CDH8: variants seen among roughly 807,000 people sequenced by gnomAD.
The protein encoded by CDH8 is cadherin-8.
Under a neutral mutation model 68.1 loss-of-function variants are expected in CDH8, and 17 were observed. That is an observed-to-expected ratio of 0.25 (90% confidence interval 0.17 to 0.37). The LOEUF is 0.37. Among genes scored for constraint, CDH8 ranks in the 10% least tolerant of loss-of-function variants. The pLI is 1.00. For missense variants in CDH8, 763 were observed against 999.3 expected (o/e 0.76, Z 3.19); for synonymous variants, 372 against 365.1 (o/e 1.02, Z -0.21).
chr16:61,881,280 C>T (rs1356502400), intron 3 of CDH8, among the ~76,000 whole-genome samples: 3 of 152,134 alleles, frequency 2.0e-5, no homozygotes, highest in Admixed American at 1.3e-4. Flanking sequence ...GATTGCTGTA[C>T]AGTTACCTCA....
chr16:61,969,601 C>T (rs1191349769), intron 2 of CDH8, among the ~76,000 whole-genome samples: 3 of 152,140 alleles, frequency 2.0e-5, no homozygotes, highest in Non-Finnish European at 4.4e-5. Context: ...TATTATTTGC[C>T]AATGCATTTC....
chr16:61,794,601 T>G (rs1169128788), intron 7 of CDH8, among the ~76,000 whole-genome samples: 1 of 152,058 alleles, frequency 6.6e-6, no homozygotes, highest in South Asian at 2.1e-4. Flanking sequence ...CACTGTTTAC[T>G]TCTCTGTCCT....
intron 4 of CDH8, among the ~76,000 whole-genome samples, chr16:61,836,965 A>C (rs1020565174): frequency 6.6e-6 from 1 of 151,938 alleles, no homozygotes; most frequent in Non-Finnish European, 1.5e-5. Flanking sequence ...TAATCTTCTC[A>C]CCACTCCTTT....
intron 8 of CDH8, among the ~76,000 whole-genome samples, chr16:61,732,092 G>T (rs1959553253): frequency 6.6e-6 from 1 of 151,312 alleles, no homozygotes; most frequent in East Asian, 1.9e-4. Flanking sequence ...AAAAAATAAA[G>T]AAAAATGAGC....
intron 4 of CDH8, among the ~76,000 whole-genome samples, chr16:61,840,596 AG>A (rs1962663749): frequency 6.6e-6 from 1 of 152,176 alleles, no homozygotes; most frequent in Non-Finnish European, 1.5e-5. Context: ...TATGGCTAAA[AG>A]GAACAAGATG....
intron 8 of CDH8, among the ~76,000 whole-genome samples, chr16:61,782,147 C>T (rs372671054): frequency 2.0e-5 from 3 of 152,002 alleles, no homozygotes; most frequent in Admixed American, 1.3e-4. Context: ...ACGCAGAAGA[C>T]GGGTGATTTC....
At chr16:61,968,090 G>C (rs1021929197) in intron 2 of CDH8, among the ~76,000 whole-genome samples, 1 of 152,164 alleles carries the variant, frequency 6.6e-6, no homozygotes, top group Non-Finnish European at 1.5e-5. Flanking sequence ...GATTACATAA[G>C]CAACCGGGCT....
chr16:61,669,196 A>G (rs1963741684), intron 10 of CDH8, among the ~76,000 whole-genome samples: 1 of 152,082 alleles, frequency 6.6e-6, no homozygotes, highest in African/African-American at 2.4e-5. Context: ...GCAAGCCACC[A>G]AATGTAGTAC....
chr16:61,846,135 A>G (rs942133077), intron 4 of CDH8, among the ~76,000 whole-genome samples: 33 of 152,142 alleles, frequency 2.2e-4, no homozygotes, highest in Non-Finnish European at 7.4e-5. Flanking sequence ...TTCCTGAATC[A>G]TCCATATCCA....
chr16:61,655,702 C>T lies in CDH8; in HGVS notation c.1674G>A (p.Leu558=). Residue 558 remains leucine (L), a synonymous_variant, in exon 11 of 12, where the codon TTG becomes TTA. Transcript: ENST00000577390. Reference sequence around the variant, plus strand: ...GGCGGTTGAATCCATTATGCTTTGCCAAAATACTGAGGGAATTATCTGAAA... The same window carrying T: ...GGCGGTTGAATCCATTATGCTTTGCTAAAATACTGAGGGAATTATCTGAAA... ...KKNEDNSLSI[L]AKHNGFNRQK... 5 of 1,613,474 alleles carry T rather than the reference C, an allele frequency of 3.1e-6. No homozygotes were observed. The African/African-American group carries it at 4.0e-5, about 13-fold the overall frequency.
intron 2 of CDH8, among the ~76,000 whole-genome samples, chr16:61,965,560 C>T (rs1404511813): frequency 6.6e-6 from 1 of 152,158 alleles, no homozygotes; most frequent in Non-Finnish European, 1.5e-5. Flanking sequence ...AGAAAACTAT[C>T]AGTAAAATTT....
chr16:61,855,715 C>G (rs1449460376), intron 4 of CDH8, among the ~76,000 whole-genome samples: 1 of 152,100 alleles, frequency 6.6e-6, no homozygotes, highest in African/African-American at 2.4e-5. Flanking sequence ...TAGTTATTAC[C>G]TATTAAACTG....
intron 9 of CDH8, among the ~76,000 whole-genome samples, chr16:61,721,144 C>T (rs753217380): frequency 3.3e-4 from 50 of 150,874 alleles, no homozygotes; most frequent in Non-Finnish European, 4.5e-4. Flanking sequence ...GCTTTTCTGT[C>T]AAACTTGTGC....
chr16:61,990,588 G>T (rs572108561), intron 2 of CDH8, among the ~76,000 whole-genome samples: 2 of 152,152 alleles, frequency 1.3e-5, no homozygotes, highest in South Asian at 4.2e-4. Context: ...GAGTTGGGAG[G>T]ATCCCTTGAG....
intron 3 of CDH8, among the ~76,000 whole-genome samples, chr16:61,886,135 G>A (rs947671366): frequency 1.3e-5 from 2 of 152,106 alleles, no homozygotes; most frequent in Admixed American, 6.6e-5. Flanking sequence ...TGCAGCAGTC[G>A]ATGGCAGACG....
chr16:61,690,033 T>G (rs1043394975), intron 10 of CDH8, among the ~76,000 whole-genome samples: 1 of 152,050 alleles, frequency 6.6e-6, no homozygotes, highest in African/African-American at 2.4e-5. Flanking sequence ...ATACCACAAT[T>G]CCATAAAAGT....
chr16:61,706,447 C>T (rs1567432923), intron 10 of CDH8, among the ~76,000 whole-genome samples: 1 of 151,868 alleles, frequency 6.6e-6, no homozygotes, highest in African/African-American at 2.4e-5. Flanking sequence ...GAAACCTCGT[C>T]TCTACTAAAA....
chr16:61,885,758 T>G lies in CDH8; in HGVS notation c.547+15421A>C, dbSNP rs139490453. Among the ~76,000 whole-genome samples, 67 of 151,506 alleles carry G rather than the reference T, an allele frequency of 4.4e-4. No homozygotes were observed. The East Asian group carries it at 0.011, about 25-fold the overall frequency. On this transcript the variant is annotated intron_variant, in intron 3 of 11. Transcript: ENST00000577390. ...CTTAGGGTGATTGTCATTATTCCGA[T>G]TATTCTGTCAAGGTGAGAAAAAGGA...
At chr16:61,998,590 T>G (rs1266180872) in intron 2 of CDH8, among the ~76,000 whole-genome samples, 3 of 152,176 alleles carry the variant, frequency 2.0e-5, no homozygotes, top group African/African-American at 7.2e-5. Flanking sequence ...TCCTCTGAGA[T>G]GTACCTAAGC....
Sources: allele counts gnomAD v4.1 joint callset (sites outside exome capture counted in the v4.1 genomes callset), GRCh38; gene constraint gnomAD v4.1.1; transcripts MANE v1.5; gene names NCBI Gene and HGNC (gene_info 2026-07-23, HGNC 2026-07-21).